Variants in SCARB1 observed in about 807,000 individuals in gnomAD.
SCARB1 encodes CD36 and LIMPII analogous 1.
SCARB1 carries 30 observed loss-of-function variants against 57.2 expected under a neutral mutation model. The observed-to-expected ratio is 0.52, with a 90% CI of 0.39 to 0.71. The LOEUF is 0.71. Ranked by LOEUF, SCARB1 falls within the 30% of genes least tolerant of loss-of-function variation. SCARB1 has a pLI of 0.00. For synonymous variants in SCARB1, 249 were observed against 268.3 expected (o/e 0.93, Z 0.70); for missense variants, 543 against 671.2 (o/e 0.81, Z 2.11).
At chr12:124,858,530 CT>C (rs1952732495) in intron 1 of SCARB1, among the ~76,000 whole-genome samples, 1 of 152,158 alleles carries the variant, frequency 6.6e-6, no homozygotes. Context: ...GCGCATTCAT[CT>C]GGCCAGTCTT....
rs942174798 is a variant in SCARB1, at chr12:124,839,463, C to G, written c.127-21756G>C. Among the ~76,000 whole-genome samples, 2 of 152,172 alleles carry G rather than the reference C, an allele frequency of 1.3e-5. 1 individual carries two copies. Among genetic ancestry groups the G allele is most frequent in the South Asian group, 4.1e-4 (2 of 4,834 alleles). ...CTTACCCACCACCCATCAGCGGACA[C>G]TCGGGTTGCTCCCACCGTTGGGCCA... On this transcript the variant is annotated intron_variant, in intron 1 of 12. Transcript: ENST00000261693.
intron 1 of SCARB1, among the ~76,000 whole-genome samples, chr12:124,843,111 T>C (rs1368724611): frequency 6.6e-6 from 1 of 152,152 alleles, no homozygotes; most frequent in Admixed American, 6.5e-5. Flanking sequence ...GGCTGACTCT[T>C]TTTCCGTACA....
At position 124,814,308 on chromosome 12, in the gene SCARB1, G is replaced by C. The variant is rs1483984913; in HGVS notation, c.524C>G (p.Thr175Ser). The C allele has an allele frequency of 6.2e-7, 1 of 1,614,238 alleles. No homozygotes were observed. Among genetic ancestry groups the C allele is most frequent in the South Asian group, 1.1e-5 (1 of 91,086 alleles). Residue 175 changes from threonine (T) to serine (S), a missense_variant, in exon 4 of 13, where the codon ACT becomes AGT. Thr to Ser is a moderately conservative substitution (Grantham distance 58). Coordinates refer to ENST00000261693, the MANE Select transcript of SCARB1 (RefSeq NM_005505.5). This position sits in a 1 kb window ranked among gnomAD's most constrained non-coding sequence, Gnocchi z 4.7. The part of the protein sequence containing the change: ...TLGERAFMNR[T>S]VGEIMWGYKD... ...GTAGCCCCACATGATCTCACCCACA[G>C]TGCGGTTCATGAAGGCACGTTCGCC...
chr12:124,802,657 C>T (rs1159805717), intron 7 of SCARB1, among the ~76,000 whole-genome samples: 1 of 152,086 alleles, frequency 6.6e-6, no homozygotes, highest in Non-Finnish European at 1.5e-5. Context: ...ATGTTATTAC[C>T]AAGCACGCCG....
intron 10 of SCARB1, 137 bp downstream of exon 10, chr12:124,787,269 C>T (rs1428949185): frequency 1.2e-5 from 9 of 739,380 alleles, no homozygotes; most frequent in East Asian, 8.2e-5. Context: ...GTTTCTGATA[C>T]GCTGGTCCAT....
chr12:124,862,956 G>C (rs1327873347), intron 1 of SCARB1, among the ~76,000 whole-genome samples: 1 of 152,212 alleles, frequency 6.6e-6, no homozygotes, highest in African/African-American at 2.4e-5. Flanking sequence ...TGAATCTGGG[G>C]AGAAAAGCGG....
intron 1 of SCARB1, among the ~76,000 whole-genome samples, chr12:124,820,966 A>G (rs1194315181): frequency 6.6e-6 from 1 of 152,136 alleles, no homozygotes; most frequent in East Asian, 1.9e-4. Context: ...AACAAGGCCC[A>G]GTGCGGTGGC....
chr12:124,849,483 T>G (rs1007465554), intron 1 of SCARB1, among the ~76,000 whole-genome samples: 3 of 152,200 alleles, frequency 2.0e-5, no homozygotes, highest in African/African-American at 4.8e-5. Context: ...GGGGTATCAA[T>G]GGGACCCTGG....
intron 7 of SCARB1, among the ~76,000 whole-genome samples, chr12:124,803,178 T>G (rs199656559): frequency 2.0e-5 from 3 of 152,330 alleles, no homozygotes; most frequent in South Asian, 4.1e-4. Flanking sequence ...GCTCCGGGGC[T>G]GGATGTCAGG....
In SCARB1 at chr12:124,817,628, A is replaced by G; in HGVS notation, c.206T>C (p.Phe69Ser). 1 of 1,614,164 alleles carries G rather than the reference A, an allele frequency of 6.2e-7. No individual in the cohort carries two copies. Among genetic ancestry groups the G allele is most frequent in the Non-Finnish European group, 8.5e-7 (1 of 1,180,010 alleles). Residue 69 changes from phenylalanine to serine, a missense_variant, in exon 2 of 13, where the codon TTC becomes TCC. By Grantham distance (155) the Phe-to-Ser change is radical (BLOSUM62 -2). Coordinates refer to ENST00000261693, the MANE Select transcript of SCARB1 (RefSeq NM_005505.5). The surrounding 1 kb of genome is among the most constrained non-coding windows in gnomAD (Gnocchi z 4.8). Reference protein sequence around the residue: ...IPIPFYLSVYFFDVMNPSEIL... With the variant: ...IPIPFYLSVYSFDVMNPSEIL... ...CTCGCTGGGGTTCATGACGTCAAAG[A>G]AGTAGACGGAGAGATAGAAGGGGAT...
intron 9 of SCARB1, among the ~76,000 whole-genome samples, chr12:124,790,540 G>GT (rs1431131446): frequency 3.9e-5 from 6 of 152,230 alleles, no homozygotes; most frequent in Admixed American, 3.9e-4. Flanking sequence ...TAGCCTTGTT[G>GT]TGTTCCTTTC....
chr12:124,782,874 G>A, intron 11 of SCARB1, 63 bp from the exon 12 acceptor site: 1 of 1,578,816 alleles, frequency 6.3e-7, no homozygotes, highest in Non-Finnish European at 8.7e-7. Context: ...GTTTTACACG[G>A]TTCTTCAATT....
chr12:124,842,707 C>T (rs1325846558), intron 1 of SCARB1, among the ~76,000 whole-genome samples: 1 of 152,220 alleles, frequency 6.6e-6, no homozygotes, highest in East Asian at 1.9e-4. Context: ...ACCCCTGGAC[C>T]CCAATGTCCT....
In SCARB1 at chr12:124,793,417, G is replaced by T. The variant is rs916400676; in HGVS notation, c.1202+1778C>A. 0.04 allele frequency among the ~76,000 whole-genome samples: 6 copies of T among 150 alleles called. No individual in the cohort carries two copies. The East Asian group carries it at 0.5, about 12-fold the overall frequency. The allele number at this position is 150 out of a possible 152,430, so 0.1% of individuals were successfully genotyped here. ...TGCTGCTAAGAATGGGGATGGGGCC[G>T]GGCGCGGTGCTCACGCCTGTAATCC... On this transcript the variant is annotated intron_variant, in intron 9 of 12. Coordinates refer to ENST00000261693, the MANE Select transcript of SCARB1 (RefSeq NM_005505.5).
intron 7 of SCARB1, among the ~76,000 whole-genome samples, chr12:124,805,467 A>C (rs970008615): frequency 6.6e-6 from 1 of 152,142 alleles, no homozygotes; most frequent in East Asian, 1.9e-4. Flanking sequence ...AGAGGCCGGT[A>C]GGGGCTGGAT....
Position 124,817,827 on chromosome 12 carries a change from G to T in SCARB1, c.127-120C>A. On this transcript the variant is annotated intron_variant, in intron 1 of 12. Coordinates refer to ENST00000261693, the MANE Select transcript of SCARB1 (RefSeq NM_005505.5). This position sits in a 1 kb window ranked among gnomAD's most constrained non-coding sequence, Gnocchi z 4.8. ...GGAAGGGGCTCCTCGGCGGGAGCTT[G>T]GGATAGGAGGTGGTGGGAAAGCCCT... The T allele has an allele frequency of 9.5e-7, 1 of 1,052,106 alleles. No homozygotes were observed. Among genetic ancestry groups the T allele is most frequent in the Non-Finnish European group, 1.5e-6 (1 of 672,962 alleles). 65.2% of individuals were successfully genotyped at this position (1,052,106 alleles called of 1,614,324 possible). A position where few individuals can be genotyped will look rare whatever the true frequency, so the allele number is the denominator to read the frequency against.
At chr12:124,833,288 G>A (rs896527510) in intron 1 of SCARB1, among the ~76,000 whole-genome samples, 10 of 151,178 alleles carry the variant, frequency 6.6e-5, no homozygotes, top group Admixed American at 2.6e-4. Context: ...CTCCCGGGCT[G>A]AAGCAATCCT....
chr12:124,821,321 AC>A, intron 1 of SCARB1: 1 of 961,894 alleles, frequency 1.0e-6, no homozygotes, highest in Non-Finnish European at 1.2e-6. Context: ...TCCCTCTCCC[AC>A]CTGGTTTCTC....
intron 9 of SCARB1, among the ~76,000 whole-genome samples, chr12:124,791,811 C>T (rs973061824): frequency 6.6e-6 from 1 of 152,066 alleles, no homozygotes; most frequent in East Asian, 1.9e-4. Flanking sequence ...CAAAAATTTG[C>T]TGGGCGTGGT....
Sources: allele counts gnomAD v4.1 joint callset (sites outside exome capture counted in the v4.1 genomes callset), GRCh38; gene constraint gnomAD v4.1.1; non-coding constraint Gnocchi (gnomAD v3.1); transcripts MANE v1.5; gene names NCBI Gene and HGNC (gene_info 2026-07-23, HGNC 2026-07-21).